Variants in QRICH1 observed in about 807,000 individuals in gnomAD.
The protein encoded by QRICH1 is transcriptional regulator QRICH1.
Under a neutral mutation model 87.1 loss-of-function variants are expected in QRICH1, and 16 were observed. The ratio of observed to expected loss-of-function variants is 0.18; its 90% CI spans 0.12 to 0.28. QRICH1 has a LOEUF of 0.28. Among genes scored for constraint, QRICH1 ranks in the 10% least tolerant of loss-of-function variants. QRICH1 has a pLI of 1.00. For synonymous variants in QRICH1, 367 were observed against 368.4 expected (o/e 1.00, Z 0.05); for missense variants, 647 against 951.7 (o/e 0.68, Z 4.21).
At chr3:49,045,218 T>G (rs555547418) in intron 5 of QRICH1, among the ~76,000 whole-genome samples, 2 of 150,386 alleles carry the variant, frequency 1.3e-5, no homozygotes, top group African/African-American at 4.9e-5. Flanking sequence ...CAGGGAACAA[T>G]GAGAAGAAAA....
chr3:49,056,458 G>T (rs2093403051), intron 3 of QRICH1, among the ~76,000 whole-genome samples: 1 of 152,196 alleles, frequency 6.6e-6, no homozygotes, highest in Non-Finnish European at 1.5e-5. Flanking sequence ...TGATGAGTTT[G>T]TAATCTATGT....
At position 49,085,159 on chromosome 3, in the gene QRICH1, T is replaced by C. The variant is rs146194812; in HGVS notation, c.-21-8121A>G. 6.2e-3 allele frequency among the ~76,000 whole-genome samples: 937 copies of C among 152,016 alleles called. 12 individuals are homozygous for C. The highest frequency in any genetic ancestry group is 0.021 in the African/African-American group (887 of 41,464). ...CTCCGTCTCAAAAAAAAAAAAATCA[T>C]CTTTTTCTACACAGTGGCTATAGTG... On this transcript the variant is annotated intron_variant, in intron 1 of 9. Transcript: ENST00000395443.
intron 1 of QRICH1, among the ~76,000 whole-genome samples, chr3:49,079,400 AAATAAAATAAAATAAATAATTAT>A: frequency 6.7e-6 from 1 of 149,122 alleles, no homozygotes; most frequent in Non-Finnish European, 1.5e-5. Flanking sequence ...AGAAATAAAT[AAATAAAATAAAATAAATAATTAT>A]AATAAAATAT....
At position 49,089,056 on chromosome 3, in the gene QRICH1, TTTTTC is replaced by T. The variant is rs539492061; in HGVS notation, c.-22+4851_-22+4855del. On this transcript the variant is annotated intron_variant, in intron 1 of 9. Transcript: ENST00000395443. ...ATTTTCATCACGGTTCTATTTTCTT[TTTTTC>T]TTTTCTTTTTTTTTTTTTAAATGGA... Among the ~76,000 whole-genome samples, 497 of 152,138 alleles carry T rather than the reference TTTTTC, an allele frequency of 3.3e-3. 5 individuals carry two copies. Among genetic ancestry groups the T allele is most frequent in the African/African-American group, 0.011 (472 of 41,510 alleles).
At chr3:49,093,669 C>T (rs2107074587) in intron 1 of QRICH1, 2 of 192,990 alleles carry the variant, frequency 1.0e-5, no homozygotes, top group Admixed American at 1.2e-4. Flanking sequence ...AAAACAGGCT[C>T]AGCCGCGCGC....
At chr3:49,044,366 T>A (rs748260005) in intron 6 of QRICH1, 24 bp downstream of exon 6, 1 of 1,529,686 alleles carries the variant, frequency 6.5e-7, no homozygotes, top group East Asian at 2.3e-5. Flanking sequence ...AGGAAAGATA[T>A]CCAAGGACAA....
rs1318192452 is a variant in QRICH1 at position 49,066,682 on chromosome 3, C to T, written c.310-8792G>A. On this transcript the variant is annotated intron_variant, in intron 2 of 9. Transcript: ENST00000395443. ...GGTTTCACAAAGGCATGAGCCACTG[C>T]ACCCAGATGATTTTTCTTCTTTTAA... Among the ~76,000 whole-genome samples the T allele has an allele frequency of 7.9e-5, 12 of 152,048 alleles. No individual in the cohort carries two copies. In the East Asian group the frequency reaches 2.3e-3, roughly 29 times the overall value.
At chr3:49,077,973 T>A (rs923737083) in intron 1 of QRICH1, among the ~76,000 whole-genome samples, 8 of 152,194 alleles carry the variant, frequency 5.3e-5, no homozygotes, top group Non-Finnish European at 8.8e-5. Context: ...ACTCTCATCA[T>A]CTGAGGGAAA....
intron 1 of QRICH1, among the ~76,000 whole-genome samples, chr3:49,084,331 C>CT (rs1303774985): frequency 1.3e-5 from 2 of 151,732 alleles, no homozygotes; most frequent in African/African-American, 2.4e-5. Flanking sequence ...TCCTGGCTCA[C>CT]TGAAACCTCC....
At chr3:49,044,044 G>A (rs35855201) in intron 6 of QRICH1, among the ~76,000 whole-genome samples, 1 of 152,124 alleles carries the variant, frequency 6.6e-6, no homozygotes, top group South Asian at 2.1e-4. Context: ...TGTCCAGAAG[G>A]CTGCCTGTGA....
intron 2 of QRICH1, among the ~76,000 whole-genome samples, chr3:49,062,847 A>G (rs1304294051): frequency 1.3e-5 from 2 of 151,932 alleles, no homozygotes; most frequent in Non-Finnish European, 2.9e-5. Flanking sequence ...TTCTATTAAA[A>G]TAATTAGCCA....
chr3:49,042,362 G>T (rs950479319), intron 6 of QRICH1, among the ~76,000 whole-genome samples: 3 of 152,120 alleles, frequency 2.0e-5, no homozygotes, highest in Admixed American at 6.6e-5. Flanking sequence ...GCCTCCCAAA[G>T]TGCTGGAATT....
intron 2 of QRICH1, among the ~76,000 whole-genome samples, chr3:49,066,877 A>C (rs2093471767): frequency 6.6e-6 from 1 of 151,986 alleles, no homozygotes; most frequent in Non-Finnish European, 1.5e-5. Context: ...GTCTCTAATA[A>C]AAATACAAAA....
At chr3:49,092,005 G>A (rs534170634) in intron 1 of QRICH1, among the ~76,000 whole-genome samples, 7 of 151,854 alleles carry the variant, frequency 4.6e-5, no homozygotes, top group African/African-American at 1.7e-4. Context: ...CAGGGAGGCG[G>A]AGGTTGCAGT....
intron 1 of QRICH1, among the ~76,000 whole-genome samples, chr3:49,092,920 T>C (rs1211464502): frequency 2.0e-5 from 3 of 152,264 alleles, no homozygotes; most frequent in Non-Finnish European, 4.4e-5. Flanking sequence ...GGGCCTTTAA[T>C]ATAATAAAGT....
At chr3:49,092,428 T>C (rs1481655771) in intron 1 of QRICH1, 1 of 152,108 alleles carries the variant, frequency 6.6e-6, no homozygotes, top group Non-Finnish European at 1.5e-5. Context: ...TTCTGCTGCT[T>C]GTCCTGAGTT....
At chr3:49,066,443 T>C (rs573656887) in intron 2 of QRICH1, among the ~76,000 whole-genome samples, 40 of 152,170 alleles carry the variant, frequency 2.6e-4, no homozygotes, top group African/African-American at 9.4e-4. Context: ...CTTTACTGTA[T>C]TTCTTAATTT....
At chr3:49,060,589 C>T (rs906909140) in intron 2 of QRICH1, among the ~76,000 whole-genome samples, 3 of 152,140 alleles carry the variant, frequency 2.0e-5, no homozygotes, top group African/African-American at 7.2e-5. Flanking sequence ...CTTGGCCTCC[C>T]AAAGTGCTGG....
chr3:49,077,349 C>G (rs752075200), intron 1 of QRICH1, among the ~76,000 whole-genome samples: 9 of 152,216 alleles, frequency 5.9e-5, no homozygotes, highest in Non-Finnish European at 1.3e-4. Flanking sequence ...CTCTGCAGAG[C>G]CAAGCACTGG....
Sources: gnomAD v4.1 joint callset for allele counts (sites outside exome capture counted in the v4.1 genomes callset) on GRCh38, gnomAD v4.1.1 for gene constraint, MANE v1.5 for transcripts, NCBI Gene and HGNC (gene_info 2026-07-23, HGNC 2026-07-21) for gene names.